PLPPR5: variants seen among roughly 807,000 people sequenced by gnomAD.
The protein encoded by PLPPR5 is phospholipid phosphatase-related protein type 5.
In PLPPR5, 16 loss-of-function variants were observed where a neutral mutation model predicts 33.9. The ratio of observed to expected loss-of-function variants is 0.47; its 90% CI spans 0.32 to 0.72. PLPPR5 has a LOEUF of 0.72. Among genes scored for constraint, PLPPR5 ranks in the 30% least tolerant of loss-of-function variants. PLPPR5 has a pLI of 0.03. For missense variants in PLPPR5, 301 were observed against 406.7 expected (o/e 0.74, Z 2.23); for synonymous variants, 163 against 150.3 (o/e 1.08, Z -0.62).
chr1:98,941,552 G>C (rs959348818), intron 3 of PLPPR5, among the ~76,000 whole-genome samples: 1 of 57,282 alleles, frequency 1.7e-5, no homozygotes, highest in Non-Finnish European at 3.4e-5. Context: ...GTGTGGTTGT[G>C]GGATTTTTTT....
chr1:98,944,423 T>C (rs1377578116), intron 3 of PLPPR5, among the ~76,000 whole-genome samples: 4 of 152,162 alleles, frequency 2.6e-5, no homozygotes, highest in African/African-American at 9.7e-5. Context: ...AAAGTGATGG[T>C]ATTAAGAGGT....
chr1:98,953,730 A>G (rs1650893397), intron 2 of PLPPR5, among the ~76,000 whole-genome samples: 1 of 152,124 alleles, frequency 6.6e-6, no homozygotes, highest in Non-Finnish European at 1.5e-5. Context: ...TTATCTCACT[A>G]ACGAAGCAAA....
chr1:98,906,082 G>C (rs1570684666), intron 5 of PLPPR5, among the ~76,000 whole-genome samples: 1 of 151,528 alleles, frequency 6.6e-6, no homozygotes. Context: ...ACTAGGTAAT[G>C]CTATATACCT....
chr1:98,990,524 G>A (rs41478548), intron 1 of PLPPR5, among the ~76,000 whole-genome samples: 13,867 of 152,200 alleles, frequency 0.091, 735 homozygotes, highest in Non-Finnish European at 0.11. Flanking sequence ...GAGGCAAAAT[G>A]TGACTATGTT....
intron 3 of PLPPR5, among the ~76,000 whole-genome samples, chr1:98,929,418 C>T (rs1403239625): frequency 1.3e-5 from 2 of 152,150 alleles, no homozygotes; most frequent in African/African-American, 2.4e-5. Context: ...CAAGAGTAAA[C>T]ATCCACTTTC....
At chr1:98,996,534 G>A (rs1652638747) in intron 1 of PLPPR5, among the ~76,000 whole-genome samples, 1 of 152,062 alleles carries the variant, frequency 6.6e-6, no homozygotes, top group African/African-American at 2.4e-5. Context: ...AAATAGTACT[G>A]AATATAGAAC....
At chr1:98,925,231 G>C (rs990115262) in intron 3 of PLPPR5, among the ~76,000 whole-genome samples, 1 of 151,026 alleles carries the variant, frequency 6.6e-6, no homozygotes, top group African/African-American at 2.5e-5. Flanking sequence ...AAACCATCTA[G>C]GTTAACCAGA....
At chr1:98,942,504 C>T (rs1053486278) in intron 3 of PLPPR5, among the ~76,000 whole-genome samples, 1 of 152,180 alleles carries the variant, frequency 6.6e-6, no homozygotes, top group African/African-American at 2.4e-5. Context: ...AGCAGTGTGG[C>T]AGCCACAGAG....
intron 1 of PLPPR5, among the ~76,000 whole-genome samples, chr1:98,958,192 G>T (rs554750051): frequency 1.4e-4 from 21 of 152,296 alleles, no homozygotes; most frequent in African/African-American, 4.8e-4. Context: ...TATACAGGGA[G>T]TCCCTGACAT....
At chr1:98,957,563 T>C (rs1234281176) in intron 1 of PLPPR5, among the ~76,000 whole-genome samples, 1 of 152,050 alleles carries the variant, frequency 6.6e-6, no homozygotes, top group Non-Finnish European at 1.5e-5. Flanking sequence ...TGCAAATATT[T>C]TTAAGGCATC....
chr1:99,005,079 G>C (rs1447735523), upstream of PLPPR5: 1 of 153,108 alleles, frequency 6.5e-6, no homozygotes, highest in Non-Finnish European at 1.5e-5. Flanking sequence ...TGGGCGGACG[G>C]GGCGGCAGCC....
intron 5 of PLPPR5, among the ~76,000 whole-genome samples, chr1:98,893,352 G>A (rs1648352629): frequency 6.6e-6 from 1 of 151,926 alleles, no homozygotes; most frequent in Non-Finnish European, 1.5e-5. Flanking sequence ...AATTAACTCT[G>A]AAATTTGAAA....
At chr1:98,924,492 C>T (rs934290451) in intron 3 of PLPPR5, among the ~76,000 whole-genome samples, 3 of 152,148 alleles carry the variant, frequency 2.0e-5, no homozygotes, top group African/African-American at 7.2e-5. Flanking sequence ...GAGGCCACCA[C>T]AGAATCATAG....
At chr1:99,001,671 G>GATAGATAGATAGATATATATAT (rs1247519605) in intron 1 of PLPPR5, among the ~76,000 whole-genome samples, 3 of 102,192 alleles carry the variant, frequency 2.9e-5, no homozygotes, top group East Asian at 7.4e-4. Context: ...GAAAGTTAAA[G>GATAGATAGATAGATATATATAT]ATATATATAT....
chr1:98,935,918 C>T (rs114075071), intron 3 of PLPPR5, among the ~76,000 whole-genome samples: 2,091 of 152,144 alleles, frequency 0.014, 20 homozygotes, highest in Middle Eastern at 0.027. Flanking sequence ...AACGAAGTGC[C>T]CAGGGTAAGG....
intron 5 of PLPPR5, among the ~76,000 whole-genome samples, chr1:98,908,777 T>A (rs1022097951): frequency 6.6e-6 from 1 of 152,108 alleles, no homozygotes; most frequent in African/African-American, 2.4e-5. Context: ...CATGAAGGTG[T>A]GAGAGCTATC....
intron 1 of PLPPR5, among the ~76,000 whole-genome samples, chr1:98,958,163 T>C (rs1651084553): frequency 6.6e-6 from 1 of 152,234 alleles, no homozygotes; most frequent in Non-Finnish European, 1.5e-5. Context: ...TTATGTCTTG[T>C]CAAGCTTAAT....
At chr1:98,930,532 GA>G (rs1195693479) in intron 3 of PLPPR5, among the ~76,000 whole-genome samples, 16 of 152,076 alleles carry the variant, frequency 1.1e-4, no homozygotes, top group African/African-American at 3.9e-4. Context: ...TATAATAACA[GA>G]AAAAGACTCA....
At chr1:98,895,233 T>TA (rs369353187) in intron 5 of PLPPR5, among the ~76,000 whole-genome samples, 24 of 152,106 alleles carry the variant, frequency 1.6e-4, no homozygotes, top group African/African-American at 5.3e-4. Context: ...GTGTTTGTTA[T>TA]AAAAAAGCAA....
Sources: gnomAD v4.1 joint callset for allele counts (sites outside exome capture counted in the v4.1 genomes callset) on GRCh38, gnomAD v4.1.1 for gene constraint, MANE v1.5 for transcripts, NCBI Gene and HGNC (gene_info 2026-07-23, HGNC 2026-07-21) for gene names.